Variants in CACNA2D4 observed in about 807,000 individuals in gnomAD.
CACNA2D4 encodes the protein calcium voltage-gated channel auxiliary subunit alpha2delta 4.
CACNA2D4 carries 157 observed loss-of-function variants against 163.8 expected under a neutral mutation model. That is an observed-to-expected ratio of 0.96 (90% CI 0.84 to 1.09). The LOEUF is 1.09. Ranked by LOEUF, CACNA2D4 falls within the 50% of genes least tolerant of loss-of-function variation. The probability of loss-of-function intolerance (pLI) is 0.00; values close to 1 mark genes in which losing one functional copy is unlikely to be tolerated. For missense variants in CACNA2D4, 1,410 were observed against 1,479.9 expected (o/e 0.95, Z 0.78); for synonymous variants, 598 against 586.9 (o/e 1.02, Z -0.27).
Position 1,844,241 on chromosome 12 carries a change from A to C in CACNA2D4, c.2470+161T>G, listed in dbSNP as rs930815133. Among the ~76,000 whole-genome samples, 2 of 152,114 alleles carry C rather than the reference A, an allele frequency of 1.3e-5. No homozygotes were observed. Among genetic ancestry groups the C allele is most frequent in the African/African-American group, 4.8e-5 (2 of 41,416 alleles). On this transcript the variant is annotated intron_variant, in intron 25 of 37. Coordinates refer to ENST00000382722, the MANE Select transcript of CACNA2D4 (RefSeq NM_172364.5). This position sits in a 1 kb window ranked among gnomAD's most constrained non-coding sequence, Gnocchi z 4.2. ...GGGAAGGTGCCAATGAGCTTTTTTA[A>C]GTCACTAATGCATGCAGGAGGGAAG...
chr12:1,799,529 A>G lies in CACNA2D4; in HGVS notation c.2995+146T>C, dbSNP rs1863239106. The G allele has an allele frequency of 2.4e-6, 2 of 849,256 alleles. No homozygotes were observed. Among genetic ancestry groups the G allele is most frequent in the South Asian group, 1.7e-5 (1 of 60,588 alleles). The allele number at this position is 849,256 out of a possible 1,614,324, so 52.6% of individuals were successfully genotyped here. On this transcript the variant is annotated intron_variant, in intron 34 of 37. Transcript: ENST00000382722. This position sits in a 1 kb window ranked among gnomAD's most constrained non-coding sequence, Gnocchi z 4.7. The stretch of plus-strand genomic sequence containing the variant: ...CTGGGCTAGACTCCCCAGTCCCCCA[A>G]CCCCCAGGAATGGTACTTTAAACCA...
At chr12:1,793,919 G>A (rs76995311) in intron 37 of CACNA2D4, among the ~76,000 whole-genome samples, 160 bp from the exon 38 acceptor site, 1 of 152,206 alleles carries the variant, frequency 6.6e-6, no homozygotes, top group Non-Finnish European at 1.5e-5. Flanking sequence ...CCTTTTGGGG[G>A]AAAAGCAAAG....
rs746299452 is a variant in CACNA2D4, at chr12:1,907,973, C to T, written c.551G>A (p.Gly184Asp). The T allele has an allele frequency of 1.2e-6, 2 of 1,614,008 alleles. No homozygotes were observed. The highest frequency in any genetic ancestry group is 1.7e-6 in the Non-Finnish European group (2 of 1,179,846). The stretch of plus-strand genomic sequence containing the variant: ...ATTGGACTCCAGGAGGAACTCGGCG[C>T]CCAGCTCCACGAAGTTGCCCTTCTC... ...RDEKGNFVEL[G>D]AEFLLESNAH... Residue 184 changes from glycine to aspartate, a missense_variant, in exon 5 of 38, where the codon GGC (glycine) becomes GAC (aspartate). Transcript: ENST00000382722.
In CACNA2D4 at chr12:1,797,512, G is replaced by T; in HGVS notation, c.3019C>A (p.Pro1007Thr). 1 of 1,576,358 alleles carries T rather than the reference G, an allele frequency of 6.3e-7. No homozygotes were observed. Among genetic ancestry groups the T allele is most frequent in the Non-Finnish European group, 8.6e-7 (1 of 1,162,464 alleles). The change falls in exon 35 of 38, where the codon CCG becomes ACG. Residue 1007 changes from proline to threonine, a missense_variant. Coordinates refer to ENST00000382722, the MANE Select transcript of CACNA2D4 (RefSeq NM_172364.5). ...HHSHKHKKQD[P>T]LQPCDTEYPV... The stretch of plus-strand genomic sequence containing the variant: ...TACTCCGTGTCGCAGGGCTGCAGCG[G>T]GTCCTGCTTCTTGTGTTTGTGGGCT...
intron 23 of CACNA2D4, among the ~76,000 whole-genome samples, chr12:1,851,651 T>TTG (rs71055202): frequency 0.03 from 3,520 of 118,552 alleles, 152 homozygotes; most frequent in African/African-American, 0.096. Context: ...TGGTGTGTGT[T>TTG]TGTGTGTGTG....
chr12:1,816,287 A>C (rs1410294501), intron 26 of CACNA2D4, among the ~76,000 whole-genome samples: 1 of 152,246 alleles, frequency 6.6e-6, no homozygotes, highest in African/African-American at 2.4e-5. Flanking sequence ...GAGGGAATGC[A>C]AAGCACTCGG....
At chr12:1,860,073 G>T in intron 19 of CACNA2D4, 72 bp downstream of exon 19, 1 of 1,262,098 alleles carries the variant, frequency 7.9e-7, no homozygotes, top group Non-Finnish European at 1.1e-6. Context: ...CCACAAAATT[G>T]CCAACTAAAT....
Position 1,799,705 on chromosome 12 carries a change from A to G in CACNA2D4, c.2975-10T>C. The G allele has an allele frequency of 6.4e-7, 1 of 1,569,790 alleles. No individual in the cohort carries two copies. The highest frequency in any genetic ancestry group is 8.6e-7 in the Non-Finnish European group (1 of 1,157,756). On this transcript the variant is annotated splice_polypyrimidine_tract_variant and intron_variant, in intron 33 of 37. Coordinates refer to ENST00000382722, the MANE Select transcript of CACNA2D4 (RefSeq NM_172364.5). The surrounding 1 kb of genome is among the most constrained non-coding windows in gnomAD (Gnocchi z 4.7). The stretch of plus-strand genomic sequence containing the variant: ...TGGAAGACACTTTTGGCTGGCCGGA[A>G]CATAAGCCCAGCACAGGGTGGACAC...
In CACNA2D4 at chr12:1,797,471, G is replaced by C. The variant is rs1291077596; in HGVS notation, c.3060C>G (p.Tyr1020Ter). ...CGTTGGCCTCCCGGATGGCCGGCTG[G>C]TACACGAACACGGGGTACTCCGTGT... ...PCDTEYPVFV[Y>*]QPAIREANGI... The change falls in exon 35 of 38, where the codon TAC (tyrosine) becomes TAG (stop). Residue 1020 changes from tyrosine (Y) to a stop codon, truncating the protein, a stop_gained. Transcript: ENST00000382722. LOFTEE classifies it high-confidence loss of function. 4 of 1,586,466 alleles carry C rather than the reference G, an allele frequency of 2.5e-6. No homozygotes were observed. In the African/African-American group the frequency reaches 5.4e-5, roughly 21 times the overall value.
intron 26 of CACNA2D4, among the ~76,000 whole-genome samples, chr12:1,839,042 C>G (rs1195917167): frequency 6.6e-6 from 1 of 152,218 alleles, no homozygotes; most frequent in Admixed American, 6.5e-5. Flanking sequence ...CATTCTCCCC[C>G]CGTCGCTTAT....
At chr12:1,881,541 G>T (rs116164248) in intron 13 of CACNA2D4, among the ~76,000 whole-genome samples, 2,250 of 152,368 alleles carry the variant, frequency 0.015, 66 homozygotes, top group African/African-American at 0.05. Flanking sequence ...CTCCTGCTGG[G>T]CTGGCTACTG....
At position 1,860,156 on chromosome 12, in the gene CACNA2D4, G is replaced by A. The variant is rs779746536; in HGVS notation, c.1929C>T (p.Asp643=). 6.2e-7 allele frequency: 1 copy of A among 1,613,564 alleles called. No homozygotes were observed. Among genetic ancestry groups the A allele is most frequent in the South Asian group, 1.1e-5 (1 of 91,056 alleles). Residue 643 remains aspartate (D), a synonymous_variant, in exon 19 of 38, where the codon GAC becomes GAT. Coordinates refer to ENST00000382722, the MANE Select transcript of CACNA2D4 (RefSeq NM_172364.5). ...CCTGTGTCCCTCACCTGAAAGGGGT[G>A]TCGCTGATGTCCGTGAAGAAGTAGT... is the stretch of plus-strand genomic sequence containing the variant. ...TNDYFFTDIS[D]TPFSLGVVLS...
At position 1,907,491 on chromosome 12, in the gene CACNA2D4, A is replaced by T. The variant is rs752886225; in HGVS notation, c.730T>A (p.Leu244Met). 2.5e-6 allele frequency: 4 copies of T among 1,613,888 alleles called. No homozygotes were observed. Among genetic ancestry groups the T allele is most frequent in the Non-Finnish European group, 3.4e-6 (4 of 1,179,878 alleles). Residue 244 changes from leucine to methionine, a missense_variant, in exon 6 of 38, where the codon TTG becomes ATG. Physicochemically the swap from Leu to Met is conservative, Grantham distance 15. Coordinates refer to ENST00000382722, the MANE Select transcript of CACNA2D4 (RefSeq NM_172364.5). Reference protein sequence around the residue: ...FVENFQRDPTLTWQYFGSATG... With the variant: ...FVENFQRDPTMTWQYFGSATG... Reference sequence around the variant, plus strand: ...GCACTGCCAAAATATTGCCAGGTCAACGTTGGGTCTCTCTGGAAGTTCTCC... The same window carrying T: ...GCACTGCCAAAATATTGCCAGGTCATCGTTGGGTCTCTCTGGAAGTTCTCC...
Position 1,856,044 on chromosome 12 carries a change from C to A in CACNA2D4, c.2120G>T (p.Arg707Leu). 6.2e-7 allele frequency: 1 copy of A among 1,613,962 alleles called. No homozygotes were observed. The highest frequency in any genetic ancestry group is 8.5e-7 in the Non-Finnish European group (1 of 1,179,848). The stretch of plus-strand genomic sequence containing the variant: ...GTCTGGGTCCTTCCTGGTGAGGAAG[C>A]GGATCATGGCCTCTAGCTGGCTGAG... ...RKLSQLEAMI[R>L]FLTRKDPDLE... Residue 707 changes from arginine to leucine, a missense_variant, in exon 22 of 38, where the codon CGC (arginine) becomes CTC (leucine). Physicochemically the swap from Arg to Leu is moderately radical, Grantham distance 102. Transcript: ENST00000382722.
At chr12:1,912,655 C>T (rs1322770750) in intron 3 of CACNA2D4, among the ~76,000 whole-genome samples, 1 of 152,220 alleles carries the variant, frequency 6.6e-6, no homozygotes, top group East Asian at 1.9e-4. Context: ...CTCTGTCCAT[C>T]CATTCCCAAA....
chr12:1,872,803 A>G (rs777213385), intron 18 of CACNA2D4, among the ~76,000 whole-genome samples: 4 of 152,188 alleles, frequency 2.6e-5, no homozygotes, highest in Non-Finnish European at 5.9e-5. Flanking sequence ...TGGAGGATGA[A>G]GGAGGACTGT....
chr12:1,800,278 G>A (rs940140564), intron 32 of CACNA2D4, 108 bp downstream of exon 32: 2 of 1,250,518 alleles, frequency 1.6e-6, no homozygotes, highest in African/African-American at 3.0e-5. Flanking sequence ...CCGGGGTCTG[G>A]TAGCAAGTGG....
chr12:1,918,303 C>A lies in CACNA2D4; in HGVS notation c.171G>T (p.Leu57=). The change falls in exon 1 of 38, where the codon CTG becomes CTT. Residue 57 remains leucine (L), a synonymous_variant. Coordinates refer to ENST00000382722, the MANE Select transcript of CACNA2D4 (RefSeq NM_172364.5). ...VQKTSALLWL[L]LLGTSLSPAW... is the part of the protein sequence containing the mutation. ...CAGGGGACAGGGAGGTGCCTAGAAG[C>A]AGCAGCCACAGGAGGGCCGAGGTCT... The A allele has an allele frequency of 2.5e-6, 4 of 1,610,186 alleles. No homozygotes were observed. The highest frequency in any genetic ancestry group is 3.4e-6 in the Non-Finnish European group (4 of 1,178,300).
At chr12:1,864,334 C>A (rs1190815370) in intron 18 of CACNA2D4, among the ~76,000 whole-genome samples, 9 of 152,184 alleles carry the variant, frequency 5.9e-5, no homozygotes, top group Admixed American at 4.6e-4. Context: ...TACCACCGTC[C>A]CTTAGAGTTC....
Sources: gnomAD v4.1 joint callset for allele counts (sites outside exome capture counted in the v4.1 genomes callset) on GRCh38, gnomAD v4.1.1 for gene constraint, Gnocchi (gnomAD v3.1) non-coding constraint, MANE v1.5 for transcripts, NCBI Gene and HGNC (gene_info 2026-07-23, HGNC 2026-07-21) for gene names.